Variants in QDPR observed in about 807,000 individuals in gnomAD.
The protein encoded by QDPR is dihydropteridine reductase.
In QDPR, 23 loss-of-function variants were observed where a neutral mutation model predicts 31.7. The ratio of observed to expected loss-of-function variants is 0.73; its 90% CI spans 0.52 to 1.03. The LOEUF (loss-of-function observed/expected upper bound fraction) is 1.03, where lower values mean the gene tolerates loss of function less well. QDPR is among the 50% of genes least tolerant of loss of function. QDPR has a pLI of 0.00. For missense variants in QDPR, 324 were observed against 323.8 expected, an observed-to-expected ratio of 1.00 and a Z score of 0.00; for synonymous variants, 124 against 124.7, an observed-to-expected ratio of 0.99 and a Z score of 0.03.
chr4:17,496,603 G>A (rs1035465113), intron 4 of QDPR, among the ~76,000 whole-genome samples: 2 of 151,758 alleles, frequency 1.3e-5, no homozygotes, highest in African/African-American at 4.8e-5. Flanking sequence ...AATAAGGCAT[G>A]GAAAAGCCTC....
chr4:17,508,710 A>G (rs1718881752), intron 2 of QDPR, among the ~76,000 whole-genome samples: 1 of 47,478 alleles, frequency 2.1e-5, no homozygotes. Context: ...AGTAACATAC[A>G]ATATGCATAG....
chr4:17,491,190 C>T (rs1014977997), intron 5 of QDPR, among the ~76,000 whole-genome samples: 1 of 152,152 alleles, frequency 6.6e-6, no homozygotes, highest in Non-Finnish European at 1.5e-5. Context: ...CTATTTTCCA[C>T]AAAACCTTAA....
chr4:17,492,129 G>T, intron 5 of QDPR, 103 bp downstream of exon 5: 1 of 855,222 alleles, frequency 1.2e-6, no homozygotes, highest in Non-Finnish European at 1.9e-6. Context: ...AACCAGAGGT[G>T]AGAGCACACC....
In QDPR at chr4:17,492,326, C is replaced by A; in HGVS notation, c.451G>T (p.Gly151Cys). 6.2e-7 allele frequency: 1 copy of A among 1,614,120 alleles called. No individual in the cohort carries two copies. The highest frequency in any genetic ancestry group is 2.2e-5 in the East Asian group (1 of 44,880). Residue 151 changes from glycine to cysteine, a missense_variant, in exon 5 of 7, where the codon GGC (glycine) becomes TGC (cysteine). Coordinates refer to ENST00000281243, the MANE Select transcript of QDPR (RefSeq NM_000320.3). ...LDGTPGMIGYGMAKGAVHQLC... is the reference protein window; with the variant it reads ...LDGTPGMIGYCMAKGAVHQLC... ...TGGTGAACAGCACCCTTGGCCATGCCGTACCCGATCATACCTGGGAAATGG... is the reference window on the plus strand; with the variant it reads ...TGGTGAACAGCACCCTTGGCCATGCAGTACCCGATCATACCTGGGAAATGG...
chr4:17,488,624 T>C (rs183560062), intron 6 of QDPR, among the ~76,000 whole-genome samples: 1 of 152,314 alleles, frequency 6.6e-6, no homozygotes, highest in African/African-American at 2.4e-5. Context: ...TGATAATTCT[T>C]TAACACAAAA....
At chr4:17,490,577 G>T in intron 6 of QDPR, 85 bp downstream of exon 6, 1 of 1,149,086 alleles carries the variant, frequency 8.7e-7, no homozygotes. Flanking sequence ...CGATCTCAGG[G>T]AACACAGACT....
chr4:17,495,247 C>G (rs1035128449), intron 4 of QDPR, among the ~76,000 whole-genome samples: 4 of 152,192 alleles, frequency 2.6e-5, no homozygotes, highest in African/African-American at 9.7e-5. Flanking sequence ...TGCCATCACT[C>G]TGCTGCCTGT....
chr4:17,490,563 T>C (rs1342818379), intron 6 of QDPR, 99 bp downstream of exon 6: 3 of 997,954 alleles, frequency 3.0e-6, no homozygotes, highest in African/African-American at 1.6e-5. Context: ...ACCACCCGGA[T>C]TGACGATCTC....
intron 4 of QDPR, among the ~76,000 whole-genome samples, chr4:17,492,941 A>C (rs1718221398): frequency 6.6e-6 from 1 of 152,112 alleles, no homozygotes; most frequent in Non-Finnish European, 1.5e-5. Context: ...GGACAGCAAA[A>C]TCAAGCAGTC....
At chr4:17,509,453 G>A in intron 1 of QDPR, 90 bp from the exon 2 acceptor site, 2 of 1,175,794 alleles carry the variant, frequency 1.7e-6, no homozygotes, top group Non-Finnish European at 2.5e-6. Context: ...TTGGCCAGGT[G>A]TAGTGGTTCA....
At chr4:17,510,114 T>C (rs761064857) in intron 1 of QDPR, 4 of 400,374 alleles carry the variant, frequency 1.0e-5, no homozygotes, top group Non-Finnish European at 2.0e-5. Context: ...TGATTTTCTT[T>C]TCAACCACCT....
intron 2 of QDPR, among the ~76,000 whole-genome samples, chr4:17,508,344 C>T (rs1239036213): frequency 1.3e-5 from 2 of 152,162 alleles, no homozygotes; most frequent in Admixed American, 6.5e-5. Context: ...GAGACTGAGG[C>T]ACAAGAATTG....
intron 1 of QDPR, among the ~76,000 whole-genome samples, chr4:17,510,174 A>G (rs1399962233): frequency 6.6e-6 from 1 of 152,232 alleles, no homozygotes; most frequent in Non-Finnish European, 1.5e-5. Flanking sequence ...AACAGGTGGC[A>G]GACCAGATTC....
At chr4:17,490,184 C>G (rs1012033926) in intron 6 of QDPR, 34 of 197,770 alleles carry the variant, frequency 1.7e-4, no homozygotes, top group African/African-American at 7.3e-4. Context: ...GACACAGATT[C>G]AGATATGTGC....
At chr4:17,505,960 T>C (rs1718773017) in intron 2 of QDPR, among the ~76,000 whole-genome samples, 1 of 152,090 alleles carries the variant, frequency 6.6e-6, no homozygotes, top group Admixed American at 6.6e-5. Flanking sequence ...TGCCAAGCCT[T>C]GGGTGGGGAC....
chr4:17,500,394 T>G (rs1718519087), intron 4 of QDPR, among the ~76,000 whole-genome samples: 1 of 152,050 alleles, frequency 6.6e-6, no homozygotes, highest in South Asian at 2.1e-4. Flanking sequence ...CTGAAATAGA[T>G]CCCCCCAACA....
intron 5 of QDPR, 99 bp from the exon 6 acceptor site, chr4:17,490,844 C>T (rs1284297526): frequency 1.2e-6 from 1 of 830,750 alleles, no homozygotes; most frequent in Non-Finnish European, 2.0e-6. Flanking sequence ...TACAGCAGGA[C>T]AACCTAGAGC....
At chr4:17,492,173 C>A in intron 5 of QDPR, 59 bp downstream of exon 5, 1 of 1,446,706 alleles carries the variant, frequency 6.9e-7, no homozygotes, top group South Asian at 1.2e-5. Flanking sequence ...GTCAGACAAA[C>A]GGTCACCTGC....
At chr4:17,493,330 G>A (rs1240445821) in intron 4 of QDPR, among the ~76,000 whole-genome samples, 1 of 152,142 alleles carries the variant, frequency 6.6e-6, no homozygotes, top group African/African-American at 2.4e-5. Flanking sequence ...GGCTACTCGG[G>A]AGGCTGAGGT....
Sources: allele counts gnomAD v4.1 joint callset (sites outside exome capture counted in the v4.1 genomes callset), GRCh38; gene constraint gnomAD v4.1.1; transcripts MANE v1.5; gene names NCBI Gene and HGNC (gene_info 2026-07-23, HGNC 2026-07-21).